RAB6A: variants seen among roughly 807,000 people sequenced by gnomAD.
RAB6A encodes ras-related protein Rab-6A.
Under a neutral mutation model 32.3 loss-of-function variants are expected in RAB6A, and 8 were observed. That is an observed-to-expected ratio of 0.25 (90% CI 0.15 to 0.45). RAB6A has a LOEUF of 0.45. RAB6A is among the 20% of genes least tolerant of loss of function. RAB6A has a pLI of 1.00. For synonymous variants in RAB6A, 73 were observed against 82.1 expected (o/e 0.89, Z 0.60); for missense variants, 104 against 249.4 (o/e 0.42, Z 3.93).
rs954025691 is a variant in RAB6A at position 73,707,922 on chromosome 11, G to A, written c.402-409C>T. On this transcript the variant is annotated intron_variant, in intron 5 of 7. Transcript: ENST00000336083. ...CTAAAAACAAAACAAAACAAAAAAC[G>A]CTTAATAGCTTGCCTCTTTCCCTTA... is the stretch of plus-strand genomic sequence containing the variant. 5.5e-4 allele frequency among the ~76,000 whole-genome samples: 83 copies of A among 152,026 alleles called. 1 individual carries two copies. Among genetic ancestry groups the A allele is most frequent in the Admixed American group, 9.2e-4 (14 of 15,242 alleles).
intron 2 of RAB6A, 79 bp downstream of exon 2, chr11:73,730,686 T>C (rs749148006): frequency 1.2e-4 from 144 of 1,181,938 alleles, no homozygotes; most frequent in Non-Finnish European, 1.7e-4. Context: ...CAACTGCAAG[T>C]AAATAATTTT....
chr11:73,758,089 A>G (rs182509412), intron 1 of RAB6A, among the ~76,000 whole-genome samples: 54 of 152,278 alleles, frequency 3.5e-4, no homozygotes, highest in African/African-American at 1.3e-3. Flanking sequence ...AGACCTAAAA[A>G]TAAATAATTC....
chr11:73,743,927 G>T (rs1213282346), intron 1 of RAB6A, among the ~76,000 whole-genome samples: 1 of 152,058 alleles, frequency 6.6e-6, no homozygotes, highest in Admixed American at 6.6e-5. Context: ...AAGAATTTTA[G>T]ATCAGCCAGG....
At chr11:73,737,031 AG>A (rs1946409907) in intron 1 of RAB6A, among the ~76,000 whole-genome samples, 1 of 151,936 alleles carries the variant, frequency 6.6e-6, no homozygotes, top group Non-Finnish European at 1.5e-5. Flanking sequence ...TGGGACACAA[AG>A]CAAGTCTCAA....
chr11:73,725,423 T>C (rs191845822), intron 2 of RAB6A, among the ~76,000 whole-genome samples: 49 of 152,336 alleles, frequency 3.2e-4, no homozygotes, highest in African/African-American at 1.1e-3. Context: ...TAGTCTGTTT[T>C]GGCGCTGCCG....
chr11:73,705,496 C>T (rs1238171120), intron 6 of RAB6A, among the ~76,000 whole-genome samples: 3 of 151,910 alleles, frequency 2.0e-5, no homozygotes, highest in Non-Finnish European at 4.4e-5. Context: ...TGCAGTGAGC[C>T]GAGATTGCAC....
chr11:73,739,294 T>C (rs1446064043), intron 1 of RAB6A, among the ~76,000 whole-genome samples: 8 of 65,210 alleles, frequency 1.2e-4, no homozygotes, highest in African/African-American at 4.1e-4. Context: ...AATATATATA[T>C]ATATATATAT....
intron 6 of RAB6A, among the ~76,000 whole-genome samples, chr11:73,700,886 C>T (rs1590840394): frequency 6.6e-6 from 1 of 152,048 alleles, no homozygotes; most frequent in South Asian, 2.1e-4. Flanking sequence ...AAGCACAGGA[C>T]ATTTTTAAGT....
At chr11:73,696,620 T>C (rs184725270) in intron 6 of RAB6A, among the ~76,000 whole-genome samples, 1 of 152,082 alleles carries the variant, frequency 6.6e-6, no homozygotes, top group Non-Finnish European at 1.5e-5. Flanking sequence ...GAAGAGCCAG[T>C]GATTTCTTTC....
At chr11:73,679,598 G>A (rs1945321365) in intron 7 of RAB6A, 56 bp downstream of exon 7, 1 of 1,587,450 alleles carries the variant, frequency 6.3e-7, no homozygotes, top group East Asian at 2.2e-5. Flanking sequence ...CAAGCAAGCA[G>A]GGCTCTAAAG....
chr11:73,691,702 TGTAATCCCA>T (rs1945566949), intron 6 of RAB6A, among the ~76,000 whole-genome samples: 2 of 152,214 alleles, frequency 1.3e-5, no homozygotes, highest in South Asian at 4.1e-4. Flanking sequence ...GGCTCACGCT[TGTAATCCCA>T]GCACTTTGGG....
intron 1 of RAB6A, among the ~76,000 whole-genome samples, chr11:73,736,813 A>AAG (rs1555066459): frequency 2.9e-5 from 4 of 140,320 alleles, no homozygotes; most frequent in South Asian, 4.4e-4. Context: ...AAAAAAGAAA[A>AAG]AAAAAAAAAA....
chr11:73,705,001 T>C (rs868779605), intron 6 of RAB6A, among the ~76,000 whole-genome samples: 1 of 150,980 alleles, frequency 6.6e-6, no homozygotes, highest in Non-Finnish European at 1.5e-5. Flanking sequence ...ATCTCGAAAA[T>C]AAATAATAAA....
chr11:73,708,012 A>G (rs4944858), intron 5 of RAB6A, among the ~76,000 whole-genome samples: 139,336 of 152,288 alleles, frequency 0.91, 63,918 homozygotes, highest in East Asian at 1. Context: ...TTTATGGCTA[A>G]ACAATTTCTG....
At position 73,677,718 on chromosome 11, in the gene RAB6A, G is replaced by A. The variant is rs1945290201; in HGVS notation, c.*180C>T. On this transcript the variant is annotated 3_prime_UTR_variant, in exon 8 of 8. Transcript: ENST00000336083. Reference sequence around the variant, plus strand: ...GTAAAATATAAATAATGAAGACACTGACTTTTGTTGTGCTTGTGAAGCTAA... The same window carrying A: ...GTAAAATATAAATAATGAAGACACTAACTTTTGTTGTGCTTGTGAAGCTAA... 2 of 1,412,246 alleles carry A rather than the reference G, an allele frequency of 1.4e-6. No homozygotes were observed. The highest frequency in any genetic ancestry group is 2.9e-5 in the African/African-American group (2 of 69,254). 87.5% of individuals were successfully genotyped at this position (1,412,246 alleles called of 1,614,324 possible). A position where few individuals can be genotyped will look rare whatever the true frequency, so the allele number is the denominator to read the frequency against.
intron 6 of RAB6A, among the ~76,000 whole-genome samples, chr11:73,689,860 C>T (rs1475174391): frequency 6.9e-6 from 1 of 144,944 alleles, no homozygotes; most frequent in Non-Finnish European, 1.5e-5. Flanking sequence ...TGCAACACTG[C>T]ACCCCAGTCT....
Position 73,696,620 on chromosome 11 carries a change from T to A in RAB6A, c.495+10800A>T, listed in dbSNP as rs184725270. ...AGATCATTTTTTACAGAAGAGCCAGTGATTTCTTTCCTTTCTTGAGACAAG... is the reference window on the plus strand; with the variant it reads ...AGATCATTTTTTACAGAAGAGCCAGAGATTTCTTTCCTTTCTTGAGACAAG... On this transcript the variant is annotated intron_variant, in intron 6 of 7. Transcript: ENST00000336083. Among the ~76,000 whole-genome samples the A allele has an allele frequency of 4.5e-4, 68 of 152,200 alleles. 1 individual carries two copies. Among genetic ancestry groups the A allele is most frequent in the African/African-American group, 1.5e-3 (64 of 41,532 alleles).
intron 5 of RAB6A, among the ~76,000 whole-genome samples, chr11:73,714,203 A>ATATATAT (rs1202329143): frequency 6.4e-5 from 4 of 62,610 alleles, no homozygotes; most frequent in Non-Finnish European, 9.6e-5. Context: ...AAAAAAAAAA[A>ATATATAT]AAAAAAATAT....
At chr11:73,760,077 A>G (rs1393768393) in intron 1 of RAB6A, 1 of 1,290,114 alleles carries the variant, frequency 7.8e-7, no homozygotes, top group Non-Finnish European at 1.0e-6. Context: ...TCGCAGGGCC[A>G]AGCCTCTGGG....
Sources: allele counts gnomAD v4.1 joint callset (sites outside exome capture counted in the v4.1 genomes callset), GRCh38; gene constraint gnomAD v4.1.1; transcripts MANE v1.5; gene names NCBI Gene and HGNC (gene_info 2026-07-23, HGNC 2026-07-21).